ADGRV1: variants seen among roughly 807,000 people sequenced by gnomAD.
ADGRV1 encodes the protein G-protein coupled receptor 98.
Under a neutral mutation model 596.2 loss-of-function variants are expected in ADGRV1, and 359 were observed. The observed-to-expected ratio is 0.60, with a 90% CI of 0.55 to 0.66. ADGRV1 has a LOEUF of 0.66. Ranked by LOEUF, ADGRV1 falls within the 30% of genes least tolerant of loss-of-function variation. The pLI is 0.00. For missense variants in ADGRV1, 7,274 were observed against 7,575.6 expected (o/e 0.96, Z 1.48); for synonymous variants, 2,681 against 2,679.2 (o/e 1.00, Z -0.02).
At chr5:90,750,463 T>C (rs970878403) in intron 52 of ADGRV1, 88 bp from the exon 53 acceptor site, 2 of 1,135,872 alleles carry the variant, frequency 1.8e-6, no homozygotes, top group Non-Finnish European at 2.5e-6. Flanking sequence ...CCACAAAGTT[T>C]GCAAATCCAT....
chr5:91,125,027 A>G (rs1331426683), intron 87 of ADGRV1, among the ~76,000 whole-genome samples: 2 of 152,212 alleles, frequency 1.3e-5, no homozygotes, highest in Non-Finnish European at 2.9e-5. Flanking sequence ...GGTTTCAGCA[A>G]CTGTGCCACG....
Position 90,646,110 on chromosome 5 carries a change from T to C in ADGRV1, c.3022+19T>C. The C allele has an allele frequency of 6.6e-7, 1 of 1,524,008 alleles. No individual in the cohort carries two copies. Among genetic ancestry groups the C allele is most frequent in the Non-Finnish European group, 8.8e-7 (1 of 1,132,936 alleles). 94.4% of individuals were successfully genotyped at this position (1,524,008 alleles called of 1,614,324 possible). A position where few individuals can be genotyped will look rare whatever the true frequency, so the allele number is the denominator to read the frequency against. On this transcript the variant is annotated intron_variant, in intron 16 of 89. Coordinates refer to ENST00000405460, the MANE Select transcript of ADGRV1 (RefSeq NM_032119.4). The stretch of plus-strand genomic sequence containing the variant: ...TTTGCAGGTGGTATTGCTGTCTTAT[T>C]TGAATGAGTTTACATATTTCTTAAA...
intron 85 of ADGRV1, among the ~76,000 whole-genome samples, chr5:91,062,526 T>A (rs1413924696): frequency 1.3e-5 from 2 of 152,148 alleles, no homozygotes; most frequent in Admixed American, 1.3e-4. Context: ...CACAGAAACC[T>A]TATTCCTTCA....
chr5:90,668,637 C>T (rs1771959314), intron 21 of ADGRV1, among the ~76,000 whole-genome samples: 1 of 152,086 alleles, frequency 6.6e-6, no homozygotes, highest in South Asian at 2.1e-4. Context: ...GCTCCTCCCC[C>T]TGGTAGTTTT....
intron 83 of ADGRV1, among the ~76,000 whole-genome samples, chr5:90,941,453 C>T (rs1414244559): frequency 6.6e-6 from 1 of 152,182 alleles, no homozygotes; most frequent in Non-Finnish European, 1.5e-5. Context: ...TATAGGTCTT[C>T]TGGTATCTTT....
intron 29 of ADGRV1, among the ~76,000 whole-genome samples, chr5:90,689,612 T>C (rs1746199619): frequency 6.6e-6 from 1 of 152,134 alleles, no homozygotes; most frequent in Non-Finnish European, 1.5e-5. Flanking sequence ...ATATACATCT[T>C]TCTGAAAGTG....
chr5:90,610,220 G>A (rs992983866), intron 1 of ADGRV1, among the ~76,000 whole-genome samples: 5 of 151,918 alleles, frequency 3.3e-5, no homozygotes, highest in South Asian at 2.1e-4. Flanking sequence ...ATAATGACAC[G>A]TTGTTGATGA....
chr5:90,622,741 A>T (rs758933880), intron 5 of ADGRV1, 40 bp downstream of exon 5: 1 of 937,508 alleles, frequency 1.1e-6, no homozygotes, highest in Non-Finnish European at 1.5e-6. Context: ...ATTTATTTTT[A>T]TTTTTATTTA....
chr5:90,818,996 G>C (rs1479267895), intron 75 of ADGRV1, among the ~76,000 whole-genome samples: 6 of 152,208 alleles, frequency 3.9e-5, no homozygotes, highest in East Asian at 3.9e-4. Flanking sequence ...AATGGTACCA[G>C]TTCCTCCTTG....
At chr5:91,030,596 A>C (rs546325860) in intron 85 of ADGRV1, among the ~76,000 whole-genome samples, 1 of 152,186 alleles carries the variant, frequency 6.6e-6, no homozygotes, top group African/African-American at 2.4e-5. Flanking sequence ...TATAAAATTT[A>C]AATTTTATGA....
At chr5:90,703,053 T>G (rs1346010017) in intron 34 of ADGRV1, among the ~76,000 whole-genome samples, 1 of 152,050 alleles carries the variant, frequency 6.6e-6, no homozygotes, top group African/African-American at 2.4e-5. Context: ...AAGCCAGGAA[T>G]AGAAGAGATC....
At position 90,703,685 on chromosome 5, in the gene ADGRV1, G is replaced by T. The variant is rs1244301602; in HGVS notation, c.8176G>T (p.Val2726Leu). ...TGCAGGAGAAATTTTACAATTCCAT[G>T]TGATAAGAACTTTCCCTGGTCGAGG... ...GHEGEILQFHVIRTFPGRGNV... is the reference protein window; with the variant it reads ...GHEGEILQFHLIRTFPGRGNV... The change falls in exon 35 of 90, where the codon GTG becomes TTG. Residue 2726 changes from valine (V) to leucine (L), a missense_variant. Around this residue, in one of 5 missense-constraint regions of ADGRV1, gnomAD observed 3,643 missense variants for 3,809.2 expected, o/e 0.96. Transcript: ENST00000405460. 6.2e-7 allele frequency: 1 copy of T among 1,601,150 alleles called. No individual in the cohort carries two copies. Among genetic ancestry groups the T allele is most frequent in the Non-Finnish European group, 8.5e-7 (1 of 1,171,726 alleles).
At chr5:91,073,909 G>A (rs919010346) in intron 86 of ADGRV1, among the ~76,000 whole-genome samples, 9 of 152,130 alleles carry the variant, frequency 5.9e-5, no homozygotes, top group Non-Finnish European at 1.0e-4. Flanking sequence ...CATTGCCCAG[G>A]CTGGTCTTGA....
chr5:90,726,008 A>G (rs1374258840), intron 48 of ADGRV1, among the ~76,000 whole-genome samples: 1 of 152,176 alleles, frequency 6.6e-6, no homozygotes. Context: ...CACCTCAGAA[A>G]TCCCACATTT....
chr5:90,822,530 A>G (rs1048261501), intron 75 of ADGRV1, among the ~76,000 whole-genome samples: 2 of 152,090 alleles, frequency 1.3e-5, no homozygotes, highest in African/African-American at 4.8e-5. Context: ...TGGTTACTGT[A>G]GCCTTGTAGT....
At chr5:91,003,617 C>T (rs181112695) in intron 85 of ADGRV1, among the ~76,000 whole-genome samples, 91 of 152,158 alleles carry the variant, frequency 6.0e-4, no homozygotes, top group African/African-American at 2.0e-3. Flanking sequence ...AAATCCTGAA[C>T]GTAATTAAAT....
chr5:90,773,810 T>G (rs1757939634), intron 59 of ADGRV1, among the ~76,000 whole-genome samples: 2 of 152,212 alleles, frequency 1.3e-5, no homozygotes, highest in South Asian at 4.1e-4. Flanking sequence ...CCTACAACTG[T>G]GATCTAATGT....
chr5:90,891,153 G>A (rs535741634), intron 83 of ADGRV1, among the ~76,000 whole-genome samples: 4 of 148,192 alleles, frequency 2.7e-5, no homozygotes, highest in African/African-American at 4.9e-5. Context: ...TGGATGATGA[G>A]TAGCTGTTTA....
In ADGRV1 at chr5:90,594,186, A is replaced by G. The variant is rs141164234; in HGVS notation, c.23-20649A>G. Among the ~76,000 whole-genome samples the G allele has an allele frequency of 3.6e-3, 541 of 152,258 alleles. 5 individuals carry two copies. The highest frequency in any genetic ancestry group is 0.012 in the African/African-American group (508 of 41,562). On this transcript the variant is annotated intron_variant, in intron 1 of 89. Transcript: ENST00000405460. ...ATGGTGTGGCTGTGTCCCCATCCAA[A>G]TCTCATCTTGACCTGTAGATCTCGT...
Sources: gnomAD v4.1 joint callset for allele counts (sites outside exome capture counted in the v4.1 genomes callset) on GRCh38, gnomAD v4.1.1 for gene constraint, gnomAD v4.1.1 regional missense constraint, MANE v1.5 for transcripts, NCBI Gene and HGNC (gene_info 2026-07-23, HGNC 2026-07-21) for gene names.